Variants in PCGF5 observed in about 807,000 individuals in gnomAD.
The protein encoded by PCGF5 is polycomb group ring finger 5, also known as polycomb group RING finger protein 5.
Under a neutral mutation model 44.3 loss-of-function variants are expected in PCGF5, and 9 were observed. The ratio of observed to expected loss-of-function variants is 0.20; its 90% confidence interval spans 0.12 to 0.35. The LOEUF (loss-of-function observed/expected upper bound fraction) is 0.35, where lower values mean the gene tolerates loss of function less well. Ranked by LOEUF, PCGF5 falls within the 10% of genes least tolerant of loss-of-function variation. The pLI, the probability that PCGF5 is intolerant of heterozygous loss-of-function variation, is 1.00. For missense variants in PCGF5, 146 were observed against 305.3 expected (o/e 0.48, Z 3.89); for synonymous variants, 95 against 102.5 (o/e 0.93, Z 0.44).
intron 1 of PCGF5, among the ~76,000 whole-genome samples, chr10:91,199,630 G>A (rs1340556508): frequency 6.6e-6 from 1 of 152,184 alleles, no homozygotes; most frequent in Non-Finnish European, 1.5e-5. Context: ...TCCAAAATAT[G>A]ATGCAGTATT....
rs58885299 is a variant in PCGF5, at chr10:91,210,169, G to T, written c.-183-12520G>T. On this transcript the variant is annotated intron_variant, in intron 1 of 9. Transcript: ENST00000614189. ...TAGAGGGATGGGCCCCCACCTGTCTGCTGGGAGATTTGGATGCCCTTCCCC... is the reference window on the plus strand; with the variant it reads ...TAGAGGGATGGGCCCCCACCTGTCTTCTGGGAGATTTGGATGCCCTTCCCC... 8.5e-3 allele frequency among the ~76,000 whole-genome samples: 1,294 copies of T among 152,276 alleles called. 18 individuals are homozygous for T. Among genetic ancestry groups the T allele is most frequent in the African/African-American group, 0.03 (1,237 of 41,562 alleles).
chr10:91,188,158 A>G (rs753419195), intron 1 of PCGF5, among the ~76,000 whole-genome samples: 11 of 152,170 alleles, frequency 7.2e-5, no homozygotes, highest in Non-Finnish European at 1.6e-4. Flanking sequence ...CTGCATTTCC[A>G]TCTGAGGTAC....
intron 1 of PCGF5, among the ~76,000 whole-genome samples, 168 bp from the exon 2 acceptor site, chr10:91,222,521 T>C (rs1844710102): frequency 2.0e-5 from 3 of 152,212 alleles, no homozygotes. Flanking sequence ...GTCATTATTC[T>C]GAATTATAGC....
At chr10:91,265,702 A>G (rs575709620) in intron 8 of PCGF5, among the ~76,000 whole-genome samples, 1 of 152,302 alleles carries the variant, frequency 6.6e-6, no homozygotes, top group South Asian at 2.1e-4. Flanking sequence ...CTTATGGGTA[A>G]GATATTTGGC....
At chr10:91,267,649 T>C (rs899333348) in intron 8 of PCGF5, among the ~76,000 whole-genome samples, 11 of 152,342 alleles carry the variant, frequency 7.2e-5, no homozygotes, top group African/African-American at 2.6e-4. Context: ...TTACAAATTA[T>C]TATAATATTA....
intron 1 of PCGF5, among the ~76,000 whole-genome samples, chr10:91,173,435 A>C (rs979564379): frequency 6.6e-6 from 1 of 152,228 alleles, no homozygotes; most frequent in East Asian, 1.9e-4. Context: ...CATATACAGA[A>C]AAGTTTTGAA....
At chr10:91,223,188 G>T (rs956741118) in intron 2 of PCGF5, among the ~76,000 whole-genome samples, 13 of 152,096 alleles carry the variant, frequency 8.5e-5, no homozygotes, top group African/African-American at 3.1e-4. Flanking sequence ...CTCAGTAGTT[G>T]ACTCTTATCA....
At chr10:91,177,778 G>A (rs1012388260) in intron 1 of PCGF5, among the ~76,000 whole-genome samples, 10 of 152,214 alleles carry the variant, frequency 6.6e-5, no homozygotes, top group African/African-American at 2.2e-4. Context: ...GGGTGGGAGT[G>A]ACCCAATTTT....
At chr10:91,200,072 A>G (rs1026718842) in intron 1 of PCGF5, among the ~76,000 whole-genome samples, 8 of 152,220 alleles carry the variant, frequency 5.3e-5, no homozygotes, top group African/African-American at 1.9e-4. Flanking sequence ...TTGCCCATCA[A>G]CTATCCATCC....
chr10:91,162,676 G>C (rs1334571267), upstream of PCGF5, among the ~76,000 whole-genome samples: 3 of 151,326 alleles, frequency 2.0e-5, no homozygotes, highest in African/African-American at 7.3e-5. Context: ...GGGCACCGCC[G>C]TGGGCCGTGC....
At chr10:91,191,891 A>G (rs1844040242) in intron 1 of PCGF5, among the ~76,000 whole-genome samples, 1 of 152,236 alleles carries the variant, frequency 6.6e-6, no homozygotes, top group African/African-American at 2.4e-5. Context: ...TTAAATGCTT[A>G]AAGGAATAAC....
Position 91,269,284 on chromosome 10 carries a change from G to A in PCGF5, c.664-2354G>A, listed in dbSNP as rs139293831. Among the ~76,000 whole-genome samples, 123 of 152,290 alleles carry A rather than the reference G, an allele frequency of 8.1e-4. 1 individual carries two copies. Among genetic ancestry groups the A allele is most frequent in the African/African-American group, 2.9e-3 (120 of 41,552 alleles). On this transcript the variant is annotated intron_variant, in intron 8 of 9. Transcript: ENST00000336126. ...AGATCTCAGTTTGGAAGGGACTTATGTCATATCATCTGATCTGTCATCCAT... is the reference window on the plus strand; with the variant it reads ...AGATCTCAGTTTGGAAGGGACTTATATCATATCATCTGATCTGTCATCCAT...
chr10:91,251,273 T>C lies in PCGF5; in HGVS notation c.326-19T>C. Reference sequence around the variant, plus strand: ...CAACTTTGATTTATAGCTAACTTAGTTTTGTTTAAATTATACAGATGATAC... The same window carrying C: ...CAACTTTGATTTATAGCTAACTTAGCTTTGTTTAAATTATACAGATGATAC... On this transcript the variant is annotated intron_variant, in intron 5 of 9. Coordinates refer to ENST00000336126, the MANE Select transcript of PCGF5 (RefSeq NM_032373.5). The C allele has an allele frequency of 6.3e-7, 1 of 1,582,646 alleles. No individual in the cohort carries two copies. Among genetic ancestry groups the C allele is most frequent in the Non-Finnish European group, 8.6e-7 (1 of 1,158,606 alleles).
At chr10:91,219,908 A>G (rs1391330397), upstream of PCGF5, among the ~76,000 whole-genome samples, 1 of 152,128 alleles carries the variant, frequency 6.6e-6, no homozygotes, top group Non-Finnish European at 1.5e-5. Context: ...GTTAACGCCT[A>G]TCAGTTGGAG....
Position 91,167,016 on chromosome 10 carries a change from G to A in PCGF5, c.-184+3935G>A, listed in dbSNP as rs377720213. On this transcript the variant is annotated intron_variant, in intron 1 of 9. Coordinates refer to the PCGF5 transcript ENST00000614189. ...GGGAATGACCGATTTCTAAGATCTC[G>A]TCCAGCTCTATGGTTTCAGAAACCA... 1.4e-4 allele frequency among the ~76,000 whole-genome samples: 22 copies of A among 152,150 alleles called. No homozygotes were observed. The East Asian group carries it at 2.7e-3, about 19-fold the overall frequency.
intron 1 of PCGF5, among the ~76,000 whole-genome samples, chr10:91,171,450 T>G (rs1287612539): frequency 6.6e-6 from 1 of 152,186 alleles, no homozygotes; most frequent in Non-Finnish European, 1.5e-5. Context: ...CTTGACAAGT[T>G]GCTAGAAGGC....
chr10:91,219,534 A>G (rs1844613080), upstream of PCGF5, among the ~76,000 whole-genome samples: 1 of 152,220 alleles, frequency 6.6e-6, no homozygotes, highest in Non-Finnish European at 1.5e-5. Context: ...TCCTACTGCC[A>G]TGAAGTCATT....
Position 91,251,468 on chromosome 10 carries a change from T to C in PCGF5, c.474+28T>C, listed in dbSNP as rs776687680. 3 of 1,600,520 alleles carry C rather than the reference T, an allele frequency of 1.9e-6. No individual in the cohort carries two copies. In the East Asian group the frequency reaches 6.7e-5, roughly 36 times the overall value. On this transcript the variant is annotated intron_variant, in intron 6 of 9. Transcript: ENST00000336126. ...GAGTGAACAAGTACTATGGTATTTT[T>C]ATGATCAGTTTATAGTAAACCCTTG...
chr10:91,158,811 A>T (rs1756996024), upstream of PCGF5, among the ~76,000 whole-genome samples: 2 of 152,232 alleles, frequency 1.3e-5, no homozygotes, highest in African/African-American at 4.8e-5. Flanking sequence ...TAGGCTGAAG[A>T]ATAACAGATA....
Sources: gnomAD v4.1 joint callset for allele counts (sites outside exome capture counted in the v4.1 genomes callset) on GRCh38, gnomAD v4.1.1 for gene constraint, MANE v1.5 for transcripts, NCBI Gene and HGNC (gene_info 2026-07-23, HGNC 2026-07-21) for gene names.